LRP1B: variants seen among roughly 807,000 people sequenced by gnomAD.
LRP1B encodes the protein low-density lipoprotein receptor-related protein 1B.
LRP1B carries 217 observed loss-of-function variants against 556.6 expected under a neutral mutation model. That is an observed-to-expected ratio of 0.39 (90% confidence interval 0.35 to 0.44). LRP1B has a LOEUF of 0.44. Ranked by LOEUF, LRP1B falls within the 20% of genes least tolerant of loss-of-function variation. The pLI is 1.00. For synonymous variants in LRP1B, 2,047 were observed against 1,865.8 expected, an observed-to-expected ratio of 1.10 and a Z score of -2.50; for missense variants, 5,053 against 5,620.8, an observed-to-expected ratio of 0.90 and a Z score of 3.23.
At chr2:141,279,236 T>A (rs1377801806) in intron 3 of LRP1B, among the ~76,000 whole-genome samples, 1 of 151,968 alleles carries the variant, frequency 6.6e-6, no homozygotes, top group East Asian at 1.9e-4. Context: ...TTTTTAAATG[T>A]TTATAGTAAT....
intron 1 of LRP1B, among the ~76,000 whole-genome samples, chr2:142,129,745 GGCCAGT>G (rs1184581550): frequency 2.0e-5 from 3 of 151,520 alleles, no homozygotes; most frequent in Non-Finnish European, 2.9e-5. Context: ...CCAAGGCCAG[GGCCAGT>G]GCCCCAAATA....
chr2:141,113,752 C>CA (rs35620976), intron 7 of LRP1B, among the ~76,000 whole-genome samples: 89,677 of 151,858 alleles, frequency 0.59, 27,604 homozygotes, highest in Middle Eastern at 0.77. Context: ...ATTTTAAATG[C>CA]AAAAAGCTAT....
intron 2 of LRP1B, among the ~76,000 whole-genome samples, chr2:141,714,859 T>G (rs757157058): frequency 1.3e-4 from 20 of 152,178 alleles, no homozygotes; most frequent in Non-Finnish European, 2.8e-4. Context: ...TGGGTTCAGA[T>G]GTACATGGAG....
chr2:140,467,482 G>A (rs1687593763), intron 60 of LRP1B, among the ~76,000 whole-genome samples: 1 of 151,770 alleles, frequency 6.6e-6, no homozygotes, highest in Non-Finnish European at 1.5e-5. Context: ...CCTGGTGGCA[G>A]GTGCCTGTTA....
intron 43 of LRP1B, among the ~76,000 whole-genome samples, chr2:140,565,280 T>C (rs987375428): frequency 7.2e-6 from 1 of 138,242 alleles, no homozygotes; most frequent in Non-Finnish European, 1.6e-5. Context: ...TTGTTTTATA[T>C]ATCATTTTTT....
intron 3 of LRP1B, among the ~76,000 whole-genome samples, chr2:141,296,703 C>T (rs1305237764): frequency 2.0e-5 from 3 of 152,114 alleles, no homozygotes; most frequent in African/African-American, 7.2e-5. Context: ...TGTTGACACC[C>T]TTTTAGAAAA....
chr2:142,115,652 T>TTATA (rs1553519014), intron 1 of LRP1B, among the ~76,000 whole-genome samples: 1 of 6,266 alleles, frequency 1.6e-4, no homozygotes, highest in African/African-American at 3.5e-4. Context: ...AATATATATA[T>TTATA]TATATGTAAT....
chr2:141,439,196 G>T (rs779980807), intron 3 of LRP1B, among the ~76,000 whole-genome samples: 3 of 152,076 alleles, frequency 2.0e-5, no homozygotes, highest in Non-Finnish European at 4.4e-5. Flanking sequence ...TATATTATGG[G>T]CTGTGAAATC....
At chr2:142,054,995 A>T (rs1704610731) in intron 1 of LRP1B, among the ~76,000 whole-genome samples, 1 of 152,188 alleles carries the variant, frequency 6.6e-6, no homozygotes, top group Non-Finnish European at 1.5e-5. Flanking sequence ...GCCATAGAGA[A>T]AAGCTCACTG....
chr2:140,508,978 T>C (rs1689533360), intron 52 of LRP1B, among the ~76,000 whole-genome samples: 1 of 151,992 alleles, frequency 6.6e-6, no homozygotes, highest in African/African-American at 2.4e-5. Flanking sequence ...TCTACAACAA[T>C]AGTATGAGTT....
At chr2:140,523,910 A>C (rs562505144) in intron 49 of LRP1B, among the ~76,000 whole-genome samples, 1 of 151,988 alleles carries the variant, frequency 6.6e-6, no homozygotes, top group East Asian at 1.9e-4. Context: ...ACACAGTCCT[A>C]GGAAAAGAAT....
chr2:141,804,321 T>C (rs1395596581), intron 2 of LRP1B, among the ~76,000 whole-genome samples: 1 of 152,134 alleles, frequency 6.6e-6, no homozygotes, highest in East Asian at 1.9e-4. Flanking sequence ...AAAAATGAGA[T>C]ATTATCTACA....
At chr2:141,058,684 C>T (rs554970741) in intron 9 of LRP1B, among the ~76,000 whole-genome samples, 199 bp downstream of exon 9, 23 of 151,928 alleles carry the variant, frequency 1.5e-4, no homozygotes, top group Non-Finnish European at 2.5e-4. Context: ...ATCATAGAAA[C>T]GATTCACTAG....
At position 140,545,437 on chromosome 2, in the gene LRP1B, T is replaced by A. The variant is rs147704768; in HGVS notation, c.7195-3466A>T. On this transcript the variant is annotated intron_variant, in intron 43 of 90. Transcript: ENST00000389484. ...GTTTTGAGTTTTACATTTAATTATT[T>A]AATGCATTTTGAGTCAGTTTTTGTA... 2.0e-5 allele frequency among the ~76,000 whole-genome samples: 3 copies of A among 152,302 alleles called. No homozygotes were observed. In the East Asian group the frequency reaches 5.8e-4, roughly 29 times the overall value.
At chr2:140,623,708 C>A (rs1440925632) in intron 41 of LRP1B, among the ~76,000 whole-genome samples, 2 of 151,834 alleles carry the variant, frequency 1.3e-5, no homozygotes, top group Non-Finnish European at 2.9e-5. Context: ...CACCTGAGGT[C>A]AGGAGTTCAA....
At position 141,195,292 on chromosome 2, in the gene LRP1B, G is replaced by A. The variant is rs565445918; in HGVS notation, c.851-6709C>T. On this transcript the variant is annotated intron_variant, in intron 6 of 90. Coordinates refer to ENST00000389484, the MANE Select transcript of LRP1B (RefSeq NM_018557.3). Reference sequence around the variant, plus strand: ...TTCCTGCCAGCAGCCACAAGAGTGAGCCTGGAAGCCAGTCTTTTAGCTCCA... The same window carrying A: ...TTCCTGCCAGCAGCCACAAGAGTGAACCTGGAAGCCAGTCTTTTAGCTCCA... Among the ~76,000 whole-genome samples, 289 of 152,180 alleles carry A rather than the reference G, an allele frequency of 1.9e-3. 1 individual carries two copies. Among genetic ancestry groups the A allele is most frequent in the Non-Finnish European group, 3.4e-3 (232 of 67,994 alleles).
intron 86 of LRP1B, among the ~76,000 whole-genome samples, chr2:140,256,913 T>G (rs1316920520): frequency 4.9e-5 from 7 of 143,940 alleles, no homozygotes; most frequent in Non-Finnish European, 1.0e-4. Context: ...GAATATTAAA[T>G]TTAAAAAGTG....
chr2:140,748,810 C>CATGTATATAAT lies in LRP1B; in HGVS notation c.5758+20392_5758+20402dup, dbSNP rs1688461653. 3.0e-5 allele frequency among the ~76,000 whole-genome samples: 3 copies of CATGTATATAAT among 99,440 alleles called. 1 individual carries two copies. The highest frequency in any genetic ancestry group is 8.2e-5 in the African/African-American group (2 of 24,366). 65.2% of individuals were successfully genotyped at this position (99,440 alleles called of 152,430 possible). On this transcript the variant is annotated intron_variant, in intron 35 of 90. Coordinates refer to ENST00000389484, the MANE Select transcript of LRP1B (RefSeq NM_018557.3). The stretch of plus-strand genomic sequence containing the variant: ...ATATATATTATATACATATTATATA[C>CATGTATATAAT]ATGTATATAATATATATCATATATT...
intron 49 of LRP1B, among the ~76,000 whole-genome samples, chr2:140,518,781 T>C (rs1690027440): frequency 6.6e-6 from 1 of 152,172 alleles, no homozygotes; most frequent in South Asian, 2.1e-4. Context: ...ATTGATTTTG[T>C]ATCCTGAGAC....
Sources: allele counts gnomAD v4.1 joint callset (sites outside exome capture counted in the v4.1 genomes callset), GRCh38; gene constraint gnomAD v4.1.1; transcripts MANE v1.5; gene names NCBI Gene and HGNC (gene_info 2026-07-23, HGNC 2026-07-21).